Variants in TAB2 observed in about 807,000 individuals in gnomAD.
TAB2 encodes TGF-beta-activated kinase 1 and MAP3K7-binding protein 2.
TAB2 carries 3 observed loss-of-function variants against 65.0 expected under a neutral mutation model. That is an observed-to-expected ratio of 0.05 (90% CI 0.02 to 0.12). The LOEUF is 0.12. Among genes scored for constraint, TAB2 ranks in the 10% least tolerant of loss-of-function variants. The pLI, the probability that TAB2 is intolerant of heterozygous loss-of-function variation, is 1.00. For missense variants in TAB2, 623 were observed against 840.3 expected, an observed-to-expected ratio of 0.74 and a Z score of 3.20; for synonymous variants, 298 against 285.1, an observed-to-expected ratio of 1.05 and a Z score of -0.46.
chr6:149,312,544 G>A (rs1779183080), intron 1 of TAB2, among the ~76,000 whole-genome samples: 1 of 152,176 alleles, frequency 6.6e-6, no homozygotes, highest in East Asian at 1.9e-4. Context: ...TGTACTTTTA[G>A]TAGAGATGGC....
rs1782797710 is a variant in TAB2 at position 149,410,083 on chromosome 6, G to C, written c.*364G>C. 2 of 284,102 alleles carry C rather than the reference G, an allele frequency of 7.0e-6. No homozygotes were observed. The highest frequency in any genetic ancestry group is 1.3e-5 in the Non-Finnish European group (2 of 148,364). 17.6% of individuals were successfully genotyped at this position (284,102 alleles called of 1,614,324 possible). Reference sequence around the variant, plus strand: ...TTTTGACAGGAGGAAGGAATAGAATGATAGCTTGTTTTATTTGTAAAGCTT... The same window carrying C: ...TTTTGACAGGAGGAAGGAATAGAATCATAGCTTGTTTTATTTGTAAAGCTT... On this transcript the variant is annotated 3_prime_UTR_variant, in exon 7 of 7. Coordinates refer to ENST00000637181, the MANE Select transcript of TAB2 (RefSeq NM_001292034.3).
At chr6:149,293,639 C>A (rs577347240) in intron 1 of TAB2, among the ~76,000 whole-genome samples, 156 of 152,294 alleles carry the variant, frequency 1.0e-3, no homozygotes, top group African/African-American at 3.7e-3. Context: ...GGTCCCAGTG[C>A]CTTTTCAGAT....
intron 1 of TAB2, among the ~76,000 whole-genome samples, chr6:149,238,917 A>G (rs752887433): frequency 2.0e-4 from 30 of 152,090 alleles, no homozygotes; most frequent in Non-Finnish European, 4.0e-4. Flanking sequence ...AAACCATCCC[A>G]CTTGACAGAT....
chr6:149,379,913 A>G lies in TAB2; in HGVS notation c.1603+395A>G, dbSNP rs779915454. The G allele has an allele frequency of 8.8e-5, 40 of 455,914 alleles. No individual in the cohort carries two copies. The East Asian group carries it at 2.4e-3, about 28-fold the overall frequency. The allele number at this position is 455,914 out of a possible 1,614,324, so 28.2% of individuals were successfully genotyped here. A position where few individuals can be genotyped will look rare whatever the true frequency, so the allele number is the denominator to read the frequency against. On this transcript the variant is annotated intron_variant, in intron 3 of 6. Coordinates refer to ENST00000637181, the MANE Select transcript of TAB2 (RefSeq NM_001292034.3). ...AGTTGACTCTCTTGACTAATATGGT[A>G]AATTTGCCTTCTTTGACCAGATATT...
At chr6:149,371,162 A>G (rs1295707006) in intron 2 of TAB2, among the ~76,000 whole-genome samples, 1 of 150,028 alleles carries the variant, frequency 6.7e-6, no homozygotes, top group Non-Finnish European at 1.5e-5. Flanking sequence ...TGAAATTTTT[A>G]TCAAATCTGT....
chr6:149,402,350 T>C (rs906497782), intron 6 of TAB2, among the ~76,000 whole-genome samples: 4 of 150,512 alleles, frequency 2.7e-5, no homozygotes, highest in Non-Finnish European at 5.9e-5. Flanking sequence ...CCAAAAAATA[T>C]CCAAAAAAAA....
At chr6:149,338,679 C>T (rs1780006568) in intron 1 of TAB2, among the ~76,000 whole-genome samples, 1 of 152,116 alleles carries the variant, frequency 6.6e-6, no homozygotes, top group South Asian at 2.1e-4. Flanking sequence ...AGCTTAACAG[C>T]AACCTACAAG....
At chr6:149,293,200 G>C (rs2114696549) in intron 1 of TAB2, among the ~76,000 whole-genome samples, 1 of 152,204 alleles carries the variant, frequency 6.6e-6, no homozygotes, top group Non-Finnish European at 1.5e-5. Flanking sequence ...AGAAATGTGG[G>C]GGGAAGTGTA....
At chr6:149,227,638 T>A (rs980147293) in intron 1 of TAB2, among the ~76,000 whole-genome samples, 5 of 152,212 alleles carry the variant, frequency 3.3e-5, no homozygotes, top group Admixed American at 2.6e-4. Flanking sequence ...AAAACTGCGA[T>A]TGCCCCCAGA....
intron 1 of TAB2, among the ~76,000 whole-genome samples, chr6:149,358,673 T>TGTGTGTGTGTGTGTG (rs71010863): frequency 9.9e-5 from 15 of 150,898 alleles, no homozygotes; most frequent in Non-Finnish European, 1.6e-4. Context: ...TGTGTGTGTG[T>TGTGTGTGTGTGTGTG]TTTCAGTATA....
chr6:149,299,269 G>A (rs1433763625), intron 1 of TAB2, among the ~76,000 whole-genome samples: 1 of 152,148 alleles, frequency 6.6e-6, no homozygotes, highest in Admixed American at 6.5e-5. Flanking sequence ...CTTATCAGCA[G>A]CCGTTATAAT....
At chr6:149,326,963 ATAAT>A (rs765122490) in intron 1 of TAB2, among the ~76,000 whole-genome samples, 1 of 152,204 alleles carries the variant, frequency 6.6e-6, no homozygotes, top group Non-Finnish European at 1.5e-5. Flanking sequence ...AATATCAGTA[ATAAT>A]TAGGTCAGCA....
intron 1 of TAB2, among the ~76,000 whole-genome samples, chr6:149,262,557 C>G (rs1054661954): frequency 5.9e-5 from 9 of 151,806 alleles, no homozygotes; most frequent in African/African-American, 1.7e-4. Context: ...ATCTCATATG[C>G]TAGAGTTGTC....
chr6:149,311,614 T>G (rs925752011), intron 1 of TAB2, among the ~76,000 whole-genome samples: 1 of 152,208 alleles, frequency 6.6e-6, no homozygotes, highest in African/African-American at 2.4e-5. Context: ...TATCTTTAGT[T>G]GTGAATTGGT....
chr6:149,248,249 G>A (rs539619261), intron 1 of TAB2, among the ~76,000 whole-genome samples: 238 of 151,958 alleles, frequency 1.6e-3, no homozygotes, highest in African/African-American at 5.3e-3. Context: ...AAAATTAGCC[G>A]GGCGTGGTGG....
chr6:149,363,228 G>A (rs1197400906), intron 1 of TAB2, among the ~76,000 whole-genome samples: 1 of 152,022 alleles, frequency 6.6e-6, no homozygotes, highest in Non-Finnish European at 1.5e-5. Flanking sequence ...ATATATATGG[G>A]GTAGGCACTG....
intron 1 of TAB2, among the ~76,000 whole-genome samples, chr6:149,287,719 C>T (rs1778702962): frequency 1.3e-5 from 2 of 152,140 alleles, no homozygotes; most frequent in South Asian, 2.1e-4. Context: ...AAAATAAAGA[C>T]ATTGTGCATT....
At chr6:149,283,445 C>T (rs1289470648) in intron 1 of TAB2, among the ~76,000 whole-genome samples, 1 of 152,188 alleles carries the variant, frequency 6.6e-6, no homozygotes, top group African/African-American at 2.4e-5. Context: ...CATGGTGACT[C>T]ATGCCTCTAA....
At chr6:149,299,866 G>A (rs922309154) in intron 1 of TAB2, among the ~76,000 whole-genome samples, 15 of 151,566 alleles carry the variant, frequency 9.9e-5, no homozygotes, top group African/African-American at 3.1e-4. Context: ...TAACTTAGCC[G>A]GCATGGCGGT....
Sources: gnomAD v4.1 joint callset for allele counts (sites outside exome capture counted in the v4.1 genomes callset) on GRCh38, gnomAD v4.1.1 for gene constraint, MANE v1.5 for transcripts, NCBI Gene and HGNC (gene_info 2026-07-23, HGNC 2026-07-21) for gene names.